TMOD1: variants seen among roughly 807,000 people sequenced by gnomAD.
TMOD1 encodes the protein tropomodulin 1, also known as tropomodulin-1.
A neutral mutation model predicts 40.6 loss-of-function variants in TMOD1; 17 were observed. That is an observed-to-expected ratio of 0.42 (90% CI 0.29 to 0.63). TMOD1 has a LOEUF of 0.63. Ranked by LOEUF, TMOD1 falls within the 20% of genes least tolerant of loss-of-function variation. The pLI is 0.22. For missense variants in TMOD1, 391 were observed against 447.6 expected, an observed-to-expected ratio of 0.87 and a Z score of 1.14; for synonymous variants, 181 against 175.0, an observed-to-expected ratio of 1.03 and a Z score of -0.27.
At position 97,600,059 on chromosome 9, in the gene TMOD1, G is replaced by C; in HGVS notation, c.*361G>C. 1.9e-6 allele frequency: 2 copies of C among 1,056,444 alleles called. No individual in the cohort carries two copies. Among genetic ancestry groups the C allele is most frequent in the Non-Finnish European group, 2.3e-6 (2 of 870,904 alleles). 65.4% of individuals were successfully genotyped at this position (1,056,444 alleles called of 1,614,324 possible). On this transcript the variant is annotated 3_prime_UTR_variant, in exon 10 of 10. Coordinates refer to ENST00000259365, the MANE Select transcript of TMOD1 (RefSeq NM_003275.4). ...AAGTGCATTTAAAATGTGTGACACA[G>C]AAACGGCACACTCTTCCACATGCTT...
chr9:97,524,341 C>T (rs1217205977), intron 2 of TMOD1, 33 bp downstream of exon 2: 1 of 1,607,396 alleles, frequency 6.2e-7, no homozygotes, highest in Admixed American at 1.7e-5. Context: ...CACATTGTCA[C>T]TAGCGAGGGG....
At chr9:97,564,205 T>C (rs376081339) in intron 6 of TMOD1, 37 bp downstream of exon 6, 76 of 1,555,756 alleles carry the variant, frequency 4.9e-5, no homozygotes, top group Non-Finnish European at 6.1e-5. Context: ...TGTGTGTGGC[T>C]GGGGGAGGGG....
rs79237777 is a variant in TMOD1, at chr9:97,530,142, A to G, written c.120+5834A>G. ...AATTATGCGTAAATTCTTATTTCCA[A>G]CTTGATTTCTTTTGAAGTTGTTATG... On this transcript the variant is annotated intron_variant, in intron 2 of 9. Transcript: ENST00000259365. Among the ~76,000 whole-genome samples the G allele has an allele frequency of 2.6e-3, 393 of 152,324 alleles. 2 individuals carry two copies. The highest frequency in any genetic ancestry group is 9.1e-3 in the African/African-American group (377 of 41,574).
chr9:97,551,014 A>ATTTTTTTTT (rs55700746), intron 3 of TMOD1, among the ~76,000 whole-genome samples: 1 of 104,268 alleles, frequency 9.6e-6, no homozygotes, highest in Non-Finnish European at 1.8e-5. Context: ...ATATATATAT[A>ATTTTTTTTT]TTTTTTTTTT....
intron 8 of TMOD1, among the ~76,000 whole-genome samples, chr9:97,587,489 G>C (rs12380094): frequency 0.16 from 24,526 of 152,030 alleles, 2,266 homozygotes; most frequent in Middle Eastern, 0.35. Flanking sequence ...TGAACATCTT[G>C]TCATGTGATT....
At chr9:97,525,804 A>C (rs1250606226) in intron 2 of TMOD1, among the ~76,000 whole-genome samples, 3 of 152,230 alleles carry the variant, frequency 2.0e-5, no homozygotes, top group Non-Finnish European at 4.4e-5. Flanking sequence ...GAGGAGCCCA[A>C]AGTGGCCTGG....
In TMOD1 at chr9:97,577,843, T is replaced by C. The variant is rs145591440; in HGVS notation, c.870+8806T>C. On this transcript the variant is annotated intron_variant, in intron 8 of 9. Transcript: ENST00000259365. Reference sequence around the variant, plus strand: ...CCTTAGATTGACAGGAAAAATTCCTTAGATTGATAGGAAAAAATGAATTAG... The same window carrying C: ...CCTTAGATTGACAGGAAAAATTCCTCAGATTGATAGGAAAAAATGAATTAG... Among the ~76,000 whole-genome samples, 130 of 152,274 alleles carry C rather than the reference T, an allele frequency of 8.5e-4. 3 individuals carry two copies. The East Asian group carries it at 0.024, about 28-fold the overall frequency.
At chr9:97,580,050 A>G (rs1206482912) in intron 8 of TMOD1, among the ~76,000 whole-genome samples, 2 of 152,242 alleles carry the variant, frequency 1.3e-5, no homozygotes, top group East Asian at 1.9e-4. Context: ...GAAGGAAAGC[A>G]AAGAGTCATT....
Position 97,524,282 on chromosome 9 carries a change from A to G in TMOD1, c.94A>G (p.Asn32Asp). ...LTEEELRTLE[N>D]ELDELDPDNA... Reference sequence around the variant, plus strand: ...AGAGGAAGAGCTGAGGACCCTGGAAAATGAGCTGGATGAGCTGGACCCTGA... The same window carrying G: ...AGAGGAAGAGCTGAGGACCCTGGAAGATGAGCTGGATGAGCTGGACCCTGA... The change falls in exon 2 of 10, where the codon AAT (asparagine) becomes GAT (aspartate). Residue 32 changes from asparagine (N) to aspartate (D), a missense_variant. Transcript: ENST00000259365. 6.2e-7 allele frequency: 1 copy of G among 1,614,130 alleles called. No homozygotes were observed. The highest frequency in any genetic ancestry group is 8.5e-7 in the Non-Finnish European group (1 of 1,180,002).
rs561469953 is a variant in TMOD1 at position 97,517,065 on chromosome 9, G to A, written c.-48-7076G>A. ...TGGGCCTGTGGGGGTGGGGAGGAGA[G>A]GCCAGACATGGTGGCTCACACGTAT... On this transcript the variant is annotated intron_variant, in intron 1 of 9. Transcript: ENST00000259365. Among the ~76,000 whole-genome samples the A allele has an allele frequency of 9.9e-5, 15 of 152,146 alleles. No individual in the cohort carries two copies. In the South Asian group the frequency reaches 3.1e-3, roughly 32 times the overall value.
chr9:97,540,057 CAG>C (rs1830254346), intron 2 of TMOD1, among the ~76,000 whole-genome samples: 2 of 151,786 alleles, frequency 1.3e-5, no homozygotes, highest in South Asian at 2.1e-4. Context: ...AGCATATTCA[CAG>C]AGTCGTATAA....
intron 2 of TMOD1, among the ~76,000 whole-genome samples, chr9:97,540,278 AG>A (rs749061895): frequency 9.2e-5 from 14 of 152,152 alleles, no homozygotes; most frequent in Non-Finnish European, 1.6e-4. Context: ...CAGGGTCTTG[AG>A]GGGTTAGTTT....
At chr9:97,525,712 A>G (rs1286077177) in intron 2 of TMOD1, among the ~76,000 whole-genome samples, 1 of 152,214 alleles carries the variant, frequency 6.6e-6, no homozygotes, top group Non-Finnish European at 1.5e-5. Flanking sequence ...TGCAATAGCT[A>G]TCCAATTTCT....
rs879846421 is a variant in TMOD1, at chr9:97,515,858, T to C, written c.-48-8283T>C. Among the ~76,000 whole-genome samples the C allele has an allele frequency of 8.5e-5, 13 of 152,062 alleles. 1 individual carries two copies. The highest frequency in any genetic ancestry group is 8.5e-4 in the Admixed American group (13 of 15,282). On this transcript the variant is annotated intron_variant, in intron 1 of 9. Transcript: ENST00000259365. ...TCGGCTCTCTTCTATCTGGAACCCA[T>C]CACAGGTGACAACACGCCCCCGGGG...
chr9:97,551,389 G>T (rs1327760197), intron 3 of TMOD1, among the ~76,000 whole-genome samples: 1 of 152,128 alleles, frequency 6.6e-6, no homozygotes, highest in African/African-American at 2.4e-5. Flanking sequence ...CATATGGTGT[G>T]AAATAGGGGT....
At chr9:97,527,648 G>A (rs1830037867) in intron 2 of TMOD1, among the ~76,000 whole-genome samples, 2 of 152,210 alleles carry the variant, frequency 1.3e-5, no homozygotes, top group South Asian at 4.1e-4. Context: ...TAACGCGGGG[G>A]AAGAGGGGGC....
At chr9:97,598,915 T>C (rs1057252373) in intron 9 of TMOD1, among the ~76,000 whole-genome samples, 9 of 152,180 alleles carry the variant, frequency 5.9e-5, no homozygotes, top group Non-Finnish European at 1.3e-4. Flanking sequence ...TTGTGGCTCA[T>C]AGAGCTTGCT....
Position 97,600,446 on chromosome 9 carries a change from T to C in TMOD1, c.*748T>C. Reference sequence around the variant, plus strand: ...ATTTATGTACAATTTAATACTGGAGTTAGAACTTTTTCCTTATTGAATGCC... The same window carrying C: ...ATTTATGTACAATTTAATACTGGAGCTAGAACTTTTTCCTTATTGAATGCC... On this transcript the variant is annotated 3_prime_UTR_variant, in exon 10 of 10. Coordinates refer to ENST00000259365, the MANE Select transcript of TMOD1 (RefSeq NM_003275.4). The C allele has an allele frequency of 1.0e-6, 1 of 985,596 alleles. No individual in the cohort carries two copies. The highest frequency in any genetic ancestry group is 1.2e-6 in the Non-Finnish European group (1 of 830,068). 61.1% of individuals were successfully genotyped at this position (985,596 alleles called of 1,614,324 possible).
rs1427513796 is a variant in TMOD1, at chr9:97,564,034, C to T, written c.488-4C>T. On this transcript the variant is annotated splice_polypyrimidine_tract_variant and splice_region_variant and intron_variant, in intron 5 of 9. Coordinates refer to ENST00000259365, the MANE Select transcript of TMOD1 (RefSeq NM_003275.4). ...AGCCACCTCCCTTTCATCGGTCACT[C>T]TAGGCGTGATTAAACCCACACAATA... 2 of 1,613,708 alleles carry T rather than the reference C, an allele frequency of 1.2e-6. No homozygotes were observed. Among genetic ancestry groups the T allele is most frequent in the Non-Finnish European group, 1.7e-6 (2 of 1,179,916 alleles).
Sources: gnomAD v4.1 joint callset for allele counts (sites outside exome capture counted in the v4.1 genomes callset) on GRCh38, gnomAD v4.1.1 for gene constraint, MANE v1.5 for transcripts, NCBI Gene and HGNC (gene_info 2026-07-23, HGNC 2026-07-21) for gene names.